TLN2: variants seen among roughly 807,000 people sequenced by gnomAD.
The protein encoded by TLN2 is talin 2, also known as talin-2.
Under a neutral mutation model 294.7 loss-of-function variants are expected in TLN2, and 118 were observed. The ratio of observed to expected loss-of-function variants is 0.40; its 90% CI spans 0.34 to 0.47. The LOEUF is 0.47. TLN2 is among the 20% of genes least tolerant of loss of function. The pLI is 0.84. For missense variants in TLN2, 3,083 were observed against 3,282.2 expected, an observed-to-expected ratio of 0.94 and a Z score of 1.48; for synonymous variants, 1,431 against 1,304.5, an observed-to-expected ratio of 1.10 and a Z score of -2.09.
chr15:62,411,138 G>A (rs142972116), intron 1 of TLN2, among the ~76,000 whole-genome samples: 22 of 152,248 alleles, frequency 1.4e-4, no homozygotes, highest in African/African-American at 4.1e-4. Context: ...GTCTGGAAGC[G>A]TATGTGTGGA....
intron 1 of TLN2, among the ~76,000 whole-genome samples, chr15:62,464,497 A>C (rs150887215): frequency 1.1e-4 from 17 of 152,178 alleles, no homozygotes; most frequent in African/African-American, 3.6e-4. Context: ...GAGTGCAGCA[A>C]ACCAACATAA....
intron 1 of TLN2, among the ~76,000 whole-genome samples, chr15:62,572,376 G>C (rs2140647658): frequency 6.6e-6 from 1 of 152,224 alleles, no homozygotes. Context: ...GAGTAGCTGG[G>C]ACTACAGCTG....
At chr15:62,412,496 G>A (rs965852957) in intron 1 of TLN2, among the ~76,000 whole-genome samples, 1 of 152,172 alleles carries the variant, frequency 6.6e-6, no homozygotes, top group Non-Finnish European at 1.5e-5. Flanking sequence ...GGAGACAGGA[G>A]CATGTGTTTT....
At chr15:62,708,901 C>G (rs1342381414) in intron 21 of TLN2, 105 bp downstream of exon 21, 1 of 1,359,036 alleles carries the variant, frequency 7.4e-7, no homozygotes, top group Non-Finnish European at 9.8e-7. Context: ...CTGGCAAGGG[C>G]AAGTTCTCTT....
At chr15:62,770,850 C>T in intron 41 of TLN2, 114 bp from the exon 42 acceptor site, 1 of 1,291,562 alleles carries the variant, frequency 7.7e-7, no homozygotes, top group Non-Finnish European at 1.0e-6. Context: ...AGATCTGCCT[C>T]TCCCTGTGAG....
chr15:62,411,116 A>C (rs536171069), intron 1 of TLN2, among the ~76,000 whole-genome samples: 1 of 152,296 alleles, frequency 6.6e-6, no homozygotes, highest in African/African-American at 2.4e-5. Flanking sequence ...CCCTGCCCTC[A>C]TGGATAGCAC....
At position 62,833,524 on chromosome 15, in the gene TLN2, C is replaced by A; in HGVS notation, c.7023C>A (p.Asp2341Glu). 6.2e-7 allele frequency: 1 copy of A among 1,614,096 alleles called. No homozygotes were observed. The highest frequency in any genetic ancestry group is 1.1e-5 in the South Asian group (1 of 91,050). The change falls in exon 55 of 59, where the codon GAC becomes GAA. Residue 2341 changes from aspartate (D) to glutamate (E), a missense_variant. Asp to Glu is a conservative substitution (Grantham distance 45). Transcript: ENST00000636159. ...AKPKQADETL[D>E]FEEQILEAAK... Reference sequence around the variant, plus strand: ...TATAGCAAGCGGATGAGACCCTGGACTTTGAGGAACAGATCTTGGAAGCTG... The same window carrying A: ...TATAGCAAGCGGATGAGACCCTGGAATTTGAGGAACAGATCTTGGAAGCTG...
chr15:62,700,209 C>G (rs2058630373), intron 16 of TLN2, among the ~76,000 whole-genome samples: 1 of 152,150 alleles, frequency 6.6e-6, no homozygotes, highest in Non-Finnish European at 1.5e-5. Flanking sequence ...ATTTAACATT[C>G]CTGCTTCACC....
At chr15:62,721,093 T>C (rs1019323971) in intron 25 of TLN2, among the ~76,000 whole-genome samples, 12 of 152,154 alleles carry the variant, frequency 7.9e-5, no homozygotes, top group Admixed American at 2.0e-4. Context: ...TCCCTGCCCT[T>C]GTTTTCCCTT....
At position 62,682,492 on chromosome 15, in the gene TLN2, A is replaced by G. The variant is rs542319983; in HGVS notation, c.958-4149A>G. ...CTAGGAAATGTGCTTTGGAAAAGAA[A>G]GACTTCAGTTTGGATCCCGGCTTTG... On this transcript the variant is annotated intron_variant, in intron 11 of 58. Coordinates refer to ENST00000636159, the MANE Select transcript of TLN2 (RefSeq NM_015059.3). Among the ~76,000 whole-genome samples, 75 of 152,298 alleles carry G rather than the reference A, an allele frequency of 4.9e-4. 1 individual carries two copies. In the East Asian group the frequency reaches 7.0e-3, roughly 14 times the overall value.
rs998394689 is a variant in TLN2 at position 62,843,540 on chromosome 15, T to A, written c.*2930T>A. 3.3e-5 allele frequency: 5 copies of A among 152,394 alleles called. No homozygotes were observed. Among genetic ancestry groups the A allele is most frequent in the Middle Eastern group, 3.4e-3 (1 of 294 alleles). 9.4% of individuals were successfully genotyped at this position (152,394 alleles called of 1,614,324 possible). ...GCAGAGGCAGCTGCCCAGCCTGCAG[T>A]CTATGCACGGGCCTTAAGAAATGAG... On this transcript the variant is annotated 3_prime_UTR_variant, in exon 59 of 59. Transcript: ENST00000636159.
At chr15:62,718,965 T>C (rs2059957039) in intron 24 of TLN2, among the ~76,000 whole-genome samples, 1 of 152,206 alleles carries the variant, frequency 6.6e-6, no homozygotes, top group Non-Finnish European at 1.5e-5. Flanking sequence ...AAAAATTCCA[T>C]GGAAATATTT....
chr15:62,641,044 T>C (rs953804506), intron 3 of TLN2, among the ~76,000 whole-genome samples: 6 of 151,634 alleles, frequency 4.0e-5, no homozygotes, highest in East Asian at 4.0e-4. Context: ...TCAGGTAATC[T>C]ACCCACCTCA....
chr15:62,705,741 C>T (rs1449375783), intron 19 of TLN2, among the ~76,000 whole-genome samples: 2 of 152,222 alleles, frequency 1.3e-5, no homozygotes, highest in Non-Finnish European at 2.9e-5. Flanking sequence ...GGAATTGTAA[C>T]TTTGCCATAG....
chr15:62,770,096 C>G (rs2063256773), intron 41 of TLN2, among the ~76,000 whole-genome samples: 1 of 152,198 alleles, frequency 6.6e-6, no homozygotes, highest in South Asian at 2.1e-4. Flanking sequence ...CAGCTGAGAG[C>G]CAGGGCTGTG....
intron 2 of TLN2, among the ~76,000 whole-genome samples, chr15:62,608,504 T>G (rs973675085): frequency 1.3e-5 from 2 of 152,100 alleles, no homozygotes; most frequent in African/African-American, 4.8e-5. Context: ...GGGATGGCAG[T>G]GTCGTAGAGT....
chr15:62,735,367 T>G (rs562366909), intron 28 of TLN2, among the ~76,000 whole-genome samples: 2 of 152,328 alleles, frequency 1.3e-5, no homozygotes, highest in South Asian at 4.1e-4. Context: ...TTTAAAGGAC[T>G]AGTTTATATT....
At chr15:62,714,354 C>T (rs2059633434) in intron 22 of TLN2, among the ~76,000 whole-genome samples, 1 of 151,868 alleles carries the variant, frequency 6.6e-6, no homozygotes, top group Admixed American at 6.6e-5. Flanking sequence ...AGGTGCCTGC[C>T]ACCACGCCCG....
intron 43 of TLN2, among the ~76,000 whole-genome samples, chr15:62,779,149 A>G (rs1278021815): frequency 1.3e-5 from 2 of 152,172 alleles, no homozygotes; most frequent in African/African-American, 4.8e-5. Flanking sequence ...TTCACTGTGG[A>G]GCTTCTCTTT....
Sources: allele counts gnomAD v4.1 joint callset (sites outside exome capture counted in the v4.1 genomes callset), GRCh38; gene constraint gnomAD v4.1.1; transcripts MANE v1.5; gene names NCBI Gene and HGNC (gene_info 2026-07-23, HGNC 2026-07-21).